ZFAND3: variants seen among roughly 807,000 people sequenced by gnomAD.
The protein encoded by ZFAND3 is zinc finger AN1-type containing 3.
In ZFAND3, 10 loss-of-function variants were observed where a neutral mutation model predicts 29.6. The observed-to-expected ratio is 0.34, with a 90% CI of 0.21 to 0.57. The LOEUF (loss-of-function observed/expected upper bound fraction) is 0.57, where lower values mean the gene tolerates loss of function less well. Ranked by LOEUF, ZFAND3 falls within the 20% of genes least tolerant of loss-of-function variation. ZFAND3 has a pLI of 0.86. For missense variants in ZFAND3, 230 were observed against 304.5 expected, an observed-to-expected ratio of 0.76 and a Z score of 1.82; for synonymous variants, 128 against 112.6, an observed-to-expected ratio of 1.14 and a Z score of -0.87.
intron 1 of ZFAND3, among the ~76,000 whole-genome samples, chr6:37,821,200 AAGATT>A (rs1763660792): frequency 6.6e-6 from 1 of 152,198 alleles, no homozygotes; most frequent in Non-Finnish European, 1.5e-5. Flanking sequence ...AGTGCAGAGA[AAGATT>A]AGAAAGTGGA....
intron 5 of ZFAND3, among the ~76,000 whole-genome samples, chr6:38,118,773 A>AC (rs1554182252): frequency 6.6e-6 from 1 of 151,532 alleles, no homozygotes; most frequent in Non-Finnish European, 1.5e-5. Context: ...AGAAAAAAAA[A>AC]AAAACAGTAA....
At chr6:38,148,590 T>C in intron 5 of ZFAND3, among the ~76,000 whole-genome samples, 1 of 152,170 alleles carries the variant, frequency 6.6e-6, no homozygotes, top group Non-Finnish European at 1.5e-5. Flanking sequence ...TGGACTCATC[T>C]CTCTCCTTAC....
chr6:37,874,390 C>T (rs979138647), intron 1 of ZFAND3, among the ~76,000 whole-genome samples: 1 of 152,002 alleles, frequency 6.6e-6, no homozygotes, highest in Non-Finnish European at 1.5e-5. Flanking sequence ...TGGCGCATGC[C>T]TGTAATCCCA....
intron 1 of ZFAND3, among the ~76,000 whole-genome samples, chr6:37,910,716 A>G (rs2127404852): frequency 6.6e-6 from 1 of 152,268 alleles, no homozygotes; most frequent in East Asian, 1.9e-4. Flanking sequence ...TTTGATGAAC[A>G]TATCCCCAAC....
intron 2 of ZFAND3, among the ~76,000 whole-genome samples, chr6:38,043,090 A>G (rs1763822716): frequency 6.6e-6 from 1 of 152,166 alleles, no homozygotes; most frequent in African/African-American, 2.4e-5. Flanking sequence ...AGTGTGCATA[A>G]TAAATATATA....
intron 1 of ZFAND3, among the ~76,000 whole-genome samples, chr6:37,905,802 C>G (rs1765396476): frequency 6.6e-6 from 1 of 151,946 alleles, no homozygotes; most frequent in Non-Finnish European, 1.5e-5. Context: ...AATGATAATA[C>G]CTACCTACCT....
intron 1 of ZFAND3, among the ~76,000 whole-genome samples, chr6:37,918,383 T>G (rs1387107503): frequency 2.0e-5 from 3 of 152,178 alleles, no homozygotes; most frequent in Non-Finnish European, 4.4e-5. Flanking sequence ...CCTGTGTAGA[T>G]GTCTTTTCCT....
intron 1 of ZFAND3, among the ~76,000 whole-genome samples, chr6:37,913,061 C>T (rs183301507): frequency 4.6e-5 from 7 of 152,280 alleles, no homozygotes; most frequent in South Asian, 4.1e-4. Flanking sequence ...ATCATCCAAA[C>T]CTTCAGTGAA....
intron 2 of ZFAND3, among the ~76,000 whole-genome samples, chr6:37,970,180 A>G (rs1762361567): frequency 6.6e-6 from 1 of 152,144 alleles, no homozygotes; most frequent in Admixed American, 6.5e-5. Flanking sequence ...CATTAAAATC[A>G]GAGAATTTAG....
At chr6:37,980,352 A>G (rs1246669691) in intron 2 of ZFAND3, among the ~76,000 whole-genome samples, 1 of 152,160 alleles carries the variant, frequency 6.6e-6, no homozygotes, top group Non-Finnish European at 1.5e-5. Flanking sequence ...AGACTAGGCA[A>G]AGATTTCCCT....
At chr6:37,860,178 GTTTTTTTT>G (rs34072361) in intron 1 of ZFAND3, among the ~76,000 whole-genome samples, 2 of 122,840 alleles carry the variant, frequency 1.6e-5, no homozygotes, top group East Asian at 2.4e-4. Flanking sequence ...GCCAAAAAGA[GTTTTTTTT>G]TTTTTTTTTT....
At chr6:38,068,043 T>C (rs1486254948) in intron 3 of ZFAND3, among the ~76,000 whole-genome samples, 2 of 152,218 alleles carry the variant, frequency 1.3e-5, no homozygotes, top group Admixed American at 1.3e-4. Context: ...TGTTTTCAAA[T>C]AGTCTGATAT....
At chr6:37,873,156 A>G (rs1316300857) in intron 1 of ZFAND3, among the ~76,000 whole-genome samples, 1 of 152,206 alleles carries the variant, frequency 6.6e-6, no homozygotes, top group African/African-American at 2.4e-5. Flanking sequence ...CTGTAGTACC[A>G]GCTACTTGGG....
intron 1 of ZFAND3, among the ~76,000 whole-genome samples, chr6:37,863,492 A>G (rs1041358067): frequency 2.0e-5 from 3 of 152,100 alleles, no homozygotes; most frequent in Non-Finnish European, 4.4e-5. Flanking sequence ...TTTCACCCTG[A>G]CTCTTCAAAT....
At chr6:37,838,458 A>G (rs1017551273) in intron 1 of ZFAND3, among the ~76,000 whole-genome samples, 1 of 152,232 alleles carries the variant, frequency 6.6e-6, no homozygotes, top group Non-Finnish European at 1.5e-5. Flanking sequence ...TCATCACTTC[A>G]TAAAGAAATC....
chr6:38,105,712 T>C (rs1283286793), intron 4 of ZFAND3, among the ~76,000 whole-genome samples: 1 of 152,142 alleles, frequency 6.6e-6, no homozygotes, highest in African/African-American at 2.4e-5. Context: ...GAAAACTGGA[T>C]GAAGGGGGCA....
At chr6:38,022,651 A>C (rs191324695) in intron 2 of ZFAND3, among the ~76,000 whole-genome samples, 1 of 152,358 alleles carries the variant, frequency 6.6e-6, no homozygotes, top group Admixed American at 6.5e-5. Flanking sequence ...TGCTTAGGTC[A>C]TGTAGCTCCT....
chr6:37,900,556 AT>A (rs939184335), intron 1 of ZFAND3, among the ~76,000 whole-genome samples: 5 of 152,198 alleles, frequency 3.3e-5, no homozygotes, highest in African/African-American at 9.6e-5. Flanking sequence ...AGTTCTGTAG[AT>A]TTTTTTCCCC....
chr6:37,891,394 G>A (rs1765095498), intron 1 of ZFAND3, among the ~76,000 whole-genome samples: 1 of 141,458 alleles, frequency 7.1e-6, no homozygotes, highest in Non-Finnish European at 1.5e-5. Flanking sequence ...TGGATAATTT[G>A]ACAAATAGTT....
Sources: allele counts gnomAD v4.1 joint callset (sites outside exome capture counted in the v4.1 genomes callset), GRCh38; gene constraint gnomAD v4.1.1; transcripts MANE v1.5; gene names NCBI Gene and HGNC (gene_info 2026-07-23, HGNC 2026-07-21).